The following MCTP2 variants were observed in gnomAD, a reference collection of about 807,000 sequenced individuals.
MCTP2 encodes multiple C2 and transmembrane domain containing 2, also known as multiple C2 and transmembrane domain-containing protein 2.
Under a neutral mutation model 111.6 loss-of-function variants are expected in MCTP2, and 132 were observed. The observed-to-expected ratio is 1.18, with a 90% confidence interval of 1.03 to 1.37. The LOEUF is 1.37. MCTP2 is among the 40% of genes most tolerant of loss of function. The pLI is 0.00. For synonymous variants in MCTP2, 395 were observed against 387.7 expected (o/e 1.02, Z -0.22); for missense variants, 1,183 against 1,067.9 (o/e 1.11, Z -1.50).
At chr15:94,386,990 G>T (rs1049371917) in intron 14 of MCTP2, among the ~76,000 whole-genome samples, 3 of 152,072 alleles carry the variant, frequency 2.0e-5, no homozygotes, top group Non-Finnish European at 2.9e-5. Context: ...AAGTCAAAGT[G>T]TGTGGTGGCT....
chr15:94,444,695 G>A (rs2084017137), intron 19 of MCTP2, among the ~76,000 whole-genome samples: 1 of 152,160 alleles, frequency 6.6e-6, no homozygotes, highest in East Asian at 1.9e-4. Flanking sequence ...GGAAACTCCA[G>A]GAATTTTAGG....
chr15:94,270,211 A>G (rs1051069987), intron 1 of MCTP2, among the ~76,000 whole-genome samples: 2 of 152,074 alleles, frequency 1.3e-5, no homozygotes, highest in African/African-American at 4.8e-5. Flanking sequence ...GAATGTTTCC[A>G]CCCCAAGTGC....
chr15:94,458,785 C>T (rs1275045645), intron 20 of MCTP2, among the ~76,000 whole-genome samples: 1 of 152,162 alleles, frequency 6.6e-6, no homozygotes, highest in African/African-American at 2.4e-5. Context: ...ACAATATTTT[C>T]AGCTTTATGG....
intron 2 of MCTP2, among the ~76,000 whole-genome samples, chr15:94,313,349 T>C (rs996657638): frequency 2.0e-5 from 3 of 152,148 alleles, no homozygotes; most frequent in Non-Finnish European, 2.9e-5. Flanking sequence ...AACTACTGCA[T>C]GATGCAGGTG....
chr15:94,394,721 C>T (rs971633544), intron 14 of MCTP2, among the ~76,000 whole-genome samples: 2 of 151,924 alleles, frequency 1.3e-5, no homozygotes, highest in Admixed American at 6.5e-5. Context: ...ACCAAGATCA[C>T]GCCACTGCAC....
chr15:94,339,166 G>A (rs2077510022), intron 4 of MCTP2, 124 bp from the exon 5 acceptor site: 2 of 629,726 alleles, frequency 3.2e-6, no homozygotes, highest in Non-Finnish European at 5.1e-6. Context: ...CCATCTCCGA[G>A]CCCTTTAATC....
rs62017631 is a variant in MCTP2 at position 94,251,722 on chromosome 15, C to T, written c.-66+20058C>T. On this transcript the variant is annotated intron_variant, in intron 1 of 22. Transcript: ENST00000357742. ...TGTTTATATTGTTGCACAACTGTCA[C>T]CTCCATCCGTCTCCTGAACTCTTCA... 3.9e-5 allele frequency among the ~76,000 whole-genome samples: 6 copies of T among 152,266 alleles called. No homozygotes were observed. In the East Asian group the frequency reaches 1.2e-3, roughly 29 times the overall value.
At chr15:94,379,761 A>C (rs369499315) in intron 12 of MCTP2, among the ~76,000 whole-genome samples, 25 of 145,268 alleles carry the variant, frequency 1.7e-4, no homozygotes, top group East Asian at 9.8e-4. Flanking sequence ...TAATATATAT[A>C]ATATATGATA....
At chr15:94,256,427 A>G (rs1312544122) in intron 1 of MCTP2, among the ~76,000 whole-genome samples, 2 of 152,126 alleles carry the variant, frequency 1.3e-5, no homozygotes, top group Non-Finnish European at 2.9e-5. Flanking sequence ...CCTCCTCCCC[A>G]TGTCTGTTGG....
chr15:94,366,589 A>ATTGACAGC (rs1041034644), intron 10 of MCTP2, among the ~76,000 whole-genome samples: 1 of 152,188 alleles, frequency 6.6e-6, no homozygotes, highest in African/African-American at 2.4e-5. Context: ...TACAAAGTCC[A>ATTGACAGC]TTGACAGCTT....
chr15:94,328,313 A>G (rs1007935036), intron 4 of MCTP2, among the ~76,000 whole-genome samples: 2 of 151,760 alleles, frequency 1.3e-5, no homozygotes, highest in African/African-American at 2.4e-5. Flanking sequence ...TATTTTTAGT[A>G]GAGACGGGGT....
chr15:94,384,915 C>G (rs925508627), intron 13 of MCTP2, among the ~76,000 whole-genome samples: 3 of 152,138 alleles, frequency 2.0e-5, no homozygotes, highest in African/African-American at 4.8e-5. Context: ...TTCATTGTCC[C>G]TGGTATCTGG....
intron 19 of MCTP2, among the ~76,000 whole-genome samples, chr15:94,445,442 C>T (rs1302150435): frequency 6.6e-6 from 1 of 152,162 alleles, no homozygotes; most frequent in Admixed American, 6.5e-5. Context: ...CACAACCCTT[C>T]TATTGTTAGG....
chr15:94,456,335 TAGAC>T (rs1392855760), intron 19 of MCTP2, among the ~76,000 whole-genome samples: 8 of 152,182 alleles, frequency 5.3e-5, no homozygotes, highest in South Asian at 2.1e-4. Flanking sequence ...GAAAAAAAAT[TAGAC>T]AGTTGAAATA....
At chr15:94,358,834 G>A (rs1466608070) in intron 10 of MCTP2, among the ~76,000 whole-genome samples, 1 of 152,200 alleles carries the variant, frequency 6.6e-6, no homozygotes, top group African/African-American at 2.4e-5. Flanking sequence ...AATAGTGTGT[G>A]TAAGGAATTA....
intron 15 of MCTP2, 43 bp from the exon 16 acceptor site, chr15:94,399,878 C>T: frequency 3.9e-6 from 6 of 1,535,528 alleles, no homozygotes; most frequent in Non-Finnish European, 4.5e-6. Context: ...TGGATGAAGT[C>T]CCTATACATG....
rs1168285862 is a variant in MCTP2, at chr15:94,442,970, T to C, written c.2250+10T>C. 2 of 1,612,282 alleles carry C rather than the reference T, an allele frequency of 1.2e-6. No individual in the cohort carries two copies. The highest frequency in any genetic ancestry group is 1.7e-6 in the Non-Finnish European group (2 of 1,179,098). On this transcript the variant is annotated intron_variant, in intron 19 of 22. Transcript: ENST00000357742. Reference sequence around the variant, plus strand: ...GGATGAAGATGACAAGGTGCGTATGTTCAAGAAAGAACACACACAAAAAAA... The same window carrying C: ...GGATGAAGATGACAAGGTGCGTATGCTCAAGAAAGAACACACACAAAAAAA...
At chr15:94,369,451 C>T (rs2079370030) in intron 11 of MCTP2, among the ~76,000 whole-genome samples, 1 of 152,118 alleles carries the variant, frequency 6.6e-6, no homozygotes, top group African/African-American at 2.4e-5. Context: ...TATATAAACA[C>T]CCAAATATTG....
chr15:94,314,179 C>A, intron 2 of MCTP2, 103 bp from the exon 3 acceptor site: 1 of 775,096 alleles, frequency 1.3e-6, no homozygotes. Context: ...GCTGCATATG[C>A]AAATATCAGA....
Sources: gnomAD v4.1 joint callset for allele counts (sites outside exome capture counted in the v4.1 genomes callset) on GRCh38, gnomAD v4.1.1 for gene constraint, MANE v1.5 for transcripts, NCBI Gene and HGNC (gene_info 2026-07-23, HGNC 2026-07-21) for gene names.